The following SIVA1 variants were observed in gnomAD, a reference collection of about 807,000 sequenced individuals.
SIVA1 encodes SIVA1 apoptosis inducing factor.
SIVA1 carries 10 observed loss-of-function variants against 19.7 expected under a neutral mutation model. The observed-to-expected ratio is 0.51, with a 90% CI of 0.31 to 0.86. The LOEUF is 0.86. Ranked by LOEUF, SIVA1 falls within the 40% of genes least tolerant of loss-of-function variation. The pLI, the probability that SIVA1 is intolerant of heterozygous loss-of-function variation, is 0.04. For missense variants in SIVA1, 241 were observed against 245.2 expected, an observed-to-expected ratio of 0.98 and a Z score of 0.11; for synonymous variants, 130 against 106.1, an observed-to-expected ratio of 1.23 and a Z score of -1.39.
At chr14:104,757,494 A>C in intron 3 of SIVA1, 1 of 191,432 alleles carries the variant, frequency 5.2e-6, no homozygotes, top group Non-Finnish European at 1.1e-5. Context: ...AGAGGCCCAG[A>C]CTCATTGGAG....
At chr14:104,756,123 C>T (rs1053219272) in intron 2 of SIVA1, 9 of 542,922 alleles carry the variant, frequency 1.7e-5, no homozygotes, top group African/African-American at 1.1e-4. Context: ...ACATGCCAGT[C>T]CCATCCCTAT....
At chr14:104,757,893 C>T (rs1211695605) in intron 3 of SIVA1, 1 of 152,580 alleles carries the variant, frequency 6.6e-6, no homozygotes, top group East Asian at 1.9e-4. Context: ...TACCTACTTT[C>T]TGCTGCTGCT....
intron 1 of SIVA1, chr14:104,753,917 C>T (rs1010008856): frequency 1.7e-5 from 6 of 347,290 alleles, no homozygotes; most frequent in Non-Finnish European, 2.5e-5. Context: ...GCAGGGATGG[C>T]ACGGAAGGCT....
chr14:104,754,266 G>A (rs1368506048), intron 1 of SIVA1, among the ~76,000 whole-genome samples: 1 of 152,200 alleles, frequency 6.6e-6, no homozygotes, highest in African/African-American at 2.4e-5. Context: ...GACCCGGGGT[G>A]TGTGATTTAC....
chr14:104,756,057 G>A (rs1891877132), intron 2 of SIVA1: 3 of 654,790 alleles, frequency 4.6e-6, no homozygotes, highest in East Asian at 2.9e-5. Context: ...AGACTCCCCG[G>A]GTATCCCGTC....
intron 1 of SIVA1, chr14:104,753,607 G>T (rs58368728): frequency 0.054 from 26,071 of 487,176 alleles, 4,723 homozygotes; most frequent in African/African-American, 0.43. Context: ...GTTAGTCGCC[G>T]CCCTGCAGTG....
At chr14:104,755,917 C>A in intron 2 of SIVA1, 93 bp downstream of exon 2, 1 of 1,241,228 alleles carries the variant, frequency 8.1e-7, no homozygotes, top group Non-Finnish European at 1.1e-6. Context: ...GGCTTTTCCT[C>A]CCTGGGTAAG....
At chr14:104,755,524 C>T (rs1891854354) in intron 1 of SIVA1, 106 bp from the exon 2 acceptor site, 1 of 1,039,510 alleles carries the variant, frequency 9.6e-7, no homozygotes, top group African/African-American at 1.6e-5. Context: ...ACAGAGGGCA[C>T]ACAGGAGGAC....
intron 2 of SIVA1, chr14:104,756,248 A>G: frequency 2.2e-6 from 1 of 447,418 alleles, no homozygotes; most frequent in Non-Finnish European, 4.1e-6. Context: ...TTTGTTAACC[A>G]GTAAGGCAGT....
rs1372416755 is a variant in SIVA1 at position 104,759,237 on chromosome 14, C to T, written c.471-191C>T. The T allele has an allele frequency of 3.9e-5, 19 of 492,708 alleles. No homozygotes were observed. Among genetic ancestry groups the T allele is most frequent in the Non-Finnish European group, 6.2e-5 (17 of 276,376 alleles). 30.5% of individuals were successfully genotyped at this position (492,708 alleles called of 1,614,324 possible). A position where few individuals can be genotyped will look rare whatever the true frequency, so the allele number is the denominator to read the frequency against. On this transcript the variant is annotated intron_variant, in intron 3 of 3. Coordinates refer to ENST00000329967, the MANE Select transcript of SIVA1 (RefSeq NM_006427.4). This position sits in a 1 kb window ranked among gnomAD's most constrained non-coding sequence, Gnocchi z 4.2. ...CACGTAGTCTTTTTAGGACGCTGGT[C>T]GTGTTGCCTTAGGGCCCCCATGTCA...
chr14:104,753,758 T>G, intron 1 of SIVA1: 1 of 454,828 alleles, frequency 2.2e-6, no homozygotes, highest in South Asian at 1.6e-5. Context: ...CGCGCGGCCC[T>G]GCCAGGCACG....
At chr14:104,753,360 G>T (rs1229890223) in intron 1 of SIVA1, 41 bp downstream of exon 1, 9 of 1,377,534 alleles carry the variant, frequency 6.5e-6, no homozygotes, top group South Asian at 1.2e-5. Context: ...CTGCGTCGGG[G>T]CCTGGAACGG....
Position 104,759,202 on chromosome 14 carries a change from TC to T in SIVA1, c.471-224del. 2.2e-6 allele frequency: 1 copy of T among 444,586 alleles called. No individual in the cohort carries two copies. The highest frequency in any genetic ancestry group is 4.0e-6 in the Non-Finnish European group (1 of 248,280). The allele number at this position is 444,586 out of a possible 1,614,324, so 27.5% of individuals were successfully genotyped here. A position where few individuals can be genotyped will look rare whatever the true frequency, so the allele number is the denominator to read the frequency against. ...CTTCATGTCGTCTTCCTTCTCTGTG[TC>T]CTTCTCTTCACGTAGTCTTTTTAGG... is the stretch of plus-strand genomic sequence containing the variant. On this transcript the variant is annotated intron_variant, in intron 3 of 3. Coordinates refer to ENST00000329967, the MANE Select transcript of SIVA1 (RefSeq NM_006427.4). This position sits in a 1 kb window ranked among gnomAD's most constrained non-coding sequence, Gnocchi z 4.2.
rs1892002766 is a variant in SIVA1 at position 104,759,226 on chromosome 14, A to G, written c.471-202A>G. The G allele has an allele frequency of 2.1e-6, 1 of 476,424 alleles. No homozygotes were observed. Among genetic ancestry groups the G allele is most frequent in the African/African-American group, 2.0e-5 (1 of 50,268 alleles). The allele number at this position is 476,424 out of a possible 1,614,324, so 29.5% of individuals were successfully genotyped here. ...GTCCTTCTCTTCACGTAGTCTTTTT[A>G]GGACGCTGGTCGTGTTGCCTTAGGG... On this transcript the variant is annotated intron_variant, in intron 3 of 3. Transcript: ENST00000329967. The surrounding 1 kb of genome is among the most constrained non-coding windows in gnomAD (Gnocchi z 4.2).
At chr14:104,754,411 G>A (rs548455479) in intron 1 of SIVA1, among the ~76,000 whole-genome samples, 2 of 152,340 alleles carry the variant, frequency 1.3e-5, no homozygotes, top group African/African-American at 4.8e-5. Flanking sequence ...GAATGATGCC[G>A]TGGGAACTGT....
At chr14:104,754,960 G>A (rs1891836304) in intron 1 of SIVA1, among the ~76,000 whole-genome samples, 1 of 152,196 alleles carries the variant, frequency 6.6e-6, no homozygotes, top group Admixed American at 6.5e-5. Context: ...AGCATTTCTG[G>A]GTCTGGCCCT....
chr14:104,755,773 A>C lies in SIVA1; in HGVS notation c.262A>C (p.Ile88Leu), dbSNP rs760801257. The change falls in exon 2 of 4, where the codon ATT (isoleucine) becomes CTT (leucine). Residue 88 changes from isoleucine (I) to leucine (L), a missense_variant. Ile to Leu is a conservative substitution (Grantham distance 5, BLOSUM62 2). Transcript: ENST00000329967. Reference sequence around the variant, plus strand: ...GAGGGCTGCACGTGGGCAGATGCTGATTGGACCAGACGGCCGCCTGATCAG... The same window carrying C: ...GAGGGCTGCACGTGGGCAGATGCTGCTTGGACCAGACGGCCGCCTGATCAG... Reference protein sequence around the residue: ...APRAARGQMLIGPDGRLIRSL... With the variant: ...APRAARGQMLLGPDGRLIRSL... 3 of 1,614,032 alleles carry C rather than the reference A, an allele frequency of 1.9e-6. No homozygotes were observed. Among genetic ancestry groups the C allele is most frequent in the Non-Finnish European group, 1.7e-6 (2 of 1,180,018 alleles).
rs762728923 is a variant in SIVA1, at chr14:104,755,834, A to G, written c.313+10A>G. 6.2e-7 allele frequency: 1 copy of G among 1,611,826 alleles called. No individual in the cohort carries two copies. The highest frequency in any genetic ancestry group is 1.1e-5 in the South Asian group (1 of 90,852). On this transcript the variant is annotated intron_variant, in intron 2 of 3. Transcript: ENST00000329967. ...CAGGCCTCCGAAGCTGGTGAGTGGC[A>G]CCAGCAGCCCTTTGTGGCTGTGGCA...
At chr14:104,756,198 C>G in intron 2 of SIVA1, 10 of 440,534 alleles carry the variant, frequency 2.3e-5, no homozygotes, top group Non-Finnish European at 3.4e-5. Flanking sequence ...GACTCTACCT[C>G]AAGTCTGGTT....
Sources: gnomAD v4.1 joint callset for allele counts (sites outside exome capture counted in the v4.1 genomes callset) on GRCh38, gnomAD v4.1.1 for gene constraint, Gnocchi (gnomAD v3.1) non-coding constraint, MANE v1.5 for transcripts, NCBI Gene and HGNC (gene_info 2026-07-23, HGNC 2026-07-21) for gene names.